ADGRG1: variants seen among roughly 807,000 people sequenced by gnomAD.
ADGRG1 encodes the protein 7-transmembrane protein with no EGF-like N-terminal domains-1.
A neutral mutation model predicts 73.5 loss-of-function variants in ADGRG1; 53 were observed. That is an observed-to-expected ratio of 0.72 (90% confidence interval 0.58 to 0.91). The LOEUF (loss-of-function observed/expected upper bound fraction) is 0.91. Among genes scored for constraint, ADGRG1 ranks in the 40% least tolerant of loss-of-function variants. ADGRG1 has a pLI of 0.00. For synonymous variants in ADGRG1, 394 were observed against 374.4 expected (o/e 1.05, Z -0.60); for missense variants, 795 against 871.8 (o/e 0.91, Z 1.11).
chr16:57,652,019 GT>G, intron 3 of ADGRG1: 1 of 1,125,028 alleles, frequency 8.9e-7, no homozygotes, highest in Non-Finnish European at 1.1e-6. Flanking sequence ...AGTGTAGACT[GT>G]TTATTTCCTT....
chr16:57,657,689 A>G (rs899589023), intron 10 of ADGRG1, among the ~76,000 whole-genome samples, 198 bp downstream of exon 10: 1 of 152,070 alleles, frequency 6.6e-6, no homozygotes, highest in Non-Finnish European at 1.5e-5. Flanking sequence ...ATAACATAGT[A>G]TTTACAAATT....
chr16:57,661,814 C>T lies in ADGRG1; in HGVS notation c.1782C>T (p.Arg594=). The T allele has an allele frequency of 1.2e-6, 2 of 1,614,244 alleles. No individual in the cohort carries two copies. The highest frequency in any genetic ancestry group is 1.1e-5 in the South Asian group (1 of 91,088). Residue 594 remains arginine, a synonymous_variant, in exon 13 of 14, where the codon CGC becomes CGT. Coordinates refer to ENST00000562631, the MANE Select transcript of ADGRG1 (RefSeq NM_201525.4). ...ATMVVQILRL[R]PHTQKWSHVL... Reference sequence around the variant, plus strand: ...TGGTGGTGCAGATCCTGCGGCTGCGCCCCCACACCCAAAAGTGGTCACATG... The same window carrying T: ...TGGTGGTGCAGATCCTGCGGCTGCGTCCCCACACCCAAAAGTGGTCACATG...
chr16:57,661,953 A>G lies in ADGRG1; in HGVS notation c.1921A>G (p.Thr641Ala), dbSNP rs773573553. The stretch of plus-strand genomic sequence containing the variant: ...CGTCCTCTACCTTTTCAGCATCATC[A>G]CCTCCTTCCAAGGTAAGGAGAAGAC... The part of the protein sequence containing the change: ...LVVLYLFSII[T>A]SFQGFLIFIW... Residue 641 changes from threonine (T) to alanine (A), a missense_variant, in exon 13 of 14, where the codon ACC becomes GCC. Thr to Ala is a moderately conservative substitution (Grantham distance 58, BLOSUM62 0). Transcript: ENST00000562631. 1 of 1,613,512 alleles carries G rather than the reference A, an allele frequency of 6.2e-7. No homozygotes were observed. Among genetic ancestry groups the G allele is most frequent in the Non-Finnish European group, 8.5e-7 (1 of 1,179,562 alleles).
At chr16:57,651,138 C>T (rs759264019) in intron 2 of ADGRG1, 62 bp from the exon 3 acceptor site, 1 of 1,609,808 alleles carries the variant, frequency 6.2e-7, no homozygotes, top group African/African-American at 1.3e-5. Flanking sequence ...AGGTCCTGTC[C>T]CCTTCCATGC....
intron 1 of ADGRG1, among the ~76,000 whole-genome samples, chr16:57,640,518 A>G (rs1364368702): frequency 6.6e-6 from 1 of 152,214 alleles, no homozygotes; most frequent in Non-Finnish European, 1.5e-5. Flanking sequence ...GAAGAGCTTA[A>G]TGAACATAGT....
chr16:57,663,054 G>A, intron 13 of ADGRG1: 9 of 985,380 alleles, frequency 9.1e-6, no homozygotes, highest in Non-Finnish European at 1.1e-5. Flanking sequence ...CATTTACTAA[G>A]CTGTGGATAC....
chr16:57,628,081 G>C, upstream of ADGRG1: 1 of 985,292 alleles, frequency 1.0e-6, no homozygotes, highest in Non-Finnish European at 1.2e-6. Context: ...GGGGGACGCA[G>C]GTCAGCCGGT....
chr16:57,643,253 C>A (rs1475093817), intron 1 of ADGRG1: 1 of 152,264 alleles, frequency 6.6e-6, no homozygotes, highest in African/African-American at 2.4e-5. Context: ...GTGGGAGCAT[C>A]CAAGGCCAGG....
chr16:57,628,246 G>A, upstream of ADGRG1: 2 of 923,234 alleles, frequency 2.2e-6, no homozygotes, highest in Non-Finnish European at 2.6e-6. Context: ...CTGACCTGGG[G>A]GGTGGGCGGA....
chr16:57,620,704 C>T (rs566492018), upstream of ADGRG1: 3 of 152,376 alleles, frequency 2.0e-5, no homozygotes, highest in Admixed American at 6.5e-5. Flanking sequence ...CCTGCTCCCC[C>T]CAGCTGCCTG....
chr16:57,640,976 G>T, intron 1 of ADGRG1: 4 of 985,550 alleles, frequency 4.1e-6, no homozygotes, highest in Non-Finnish European at 4.8e-6. Flanking sequence ...GACAACTGAG[G>T]TCCGGCTGTG....
intron 10 of ADGRG1, among the ~76,000 whole-genome samples, chr16:57,658,470 C>G (rs1416595776): frequency 6.6e-6 from 1 of 152,212 alleles, no homozygotes; most frequent in Non-Finnish European, 1.5e-5. Context: ...TCTCACTGTC[C>G]CCAGCCACGA....
exon 1 of ADGRG1, chr16:57,621,018 T>G (rs1310663086): frequency 6.6e-6 from 1 of 152,186 alleles, no homozygotes; most frequent in African/African-American, 2.4e-5. Flanking sequence ...CCTGGTCTCA[T>G]GGGCCACACA....
upstream of ADGRG1, among the ~76,000 whole-genome samples, chr16:57,626,006 G>A (rs2147063083): frequency 6.6e-6 from 1 of 152,354 alleles, no homozygotes; most frequent in African/African-American, 2.4e-5. Flanking sequence ...GGCTGTTATA[G>A]AAAGGCGTGG....
chr16:57,661,023 T>C (rs2046957092), intron 12 of ADGRG1, 147 bp downstream of exon 12: 1 of 710,154 alleles, frequency 1.4e-6, no homozygotes, highest in African/African-American at 1.8e-5. Flanking sequence ...GAAGCACTGG[T>C]CTAAGAGTCA....
chr16:57,630,089 C>A (rs938151144), intron 1 of ADGRG1: 1 of 825,838 alleles, frequency 1.2e-6, no homozygotes, highest in Non-Finnish European at 1.5e-6. Flanking sequence ...ACTGTGCACT[C>A]TGTGCTCTGT....
chr16:57,659,819 C>T, intron 11 of ADGRG1, 138 bp downstream of exon 11: 2 of 890,940 alleles, frequency 2.2e-6, no homozygotes, highest in Non-Finnish European at 3.5e-6. Flanking sequence ...AGGTGTCCTT[C>T]ACCTTGGCTG....
chr16:57,620,150 G>C (rs2034492892), upstream of ADGRG1: 4 of 152,452 alleles, frequency 2.6e-5, no homozygotes, highest in South Asian at 8.3e-4. Flanking sequence ...AGAGACGGGT[G>C]GGGGACAGGG....
chr16:57,639,875 G>A, intron 1 of ADGRG1: 1 of 974,314 alleles, frequency 1.0e-6, no homozygotes, highest in Non-Finnish European at 1.2e-6. Context: ...CCAGTGGGTG[G>A]GGGTGTGGTG....
Sources: allele counts gnomAD v4.1 joint callset (sites outside exome capture counted in the v4.1 genomes callset), GRCh38; gene constraint gnomAD v4.1.1; transcripts MANE v1.5; gene names NCBI Gene and HGNC (gene_info 2026-07-23, HGNC 2026-07-21).